CXADR: variants seen among roughly 807,000 people sequenced by gnomAD.
The protein encoded by CXADR is coxsackievirus and adenovirus receptor.
CXADR carries 20 observed loss-of-function variants against 40.3 expected under a neutral mutation model. That is an observed-to-expected ratio of 0.50 (90% confidence interval 0.35 to 0.72). The LOEUF is 0.72. Ranked by LOEUF, CXADR falls within the 30% of genes least tolerant of loss-of-function variation. CXADR has a pLI of 0.01. For synonymous variants in CXADR, 150 were observed against 161.3 expected (o/e 0.93, Z 0.53); for missense variants, 332 against 449.1 (o/e 0.74, Z 2.36).
At chr21:17,608,055 T>C in the CXADR span, among the ~76,000 whole-genome samples, 3 of 152,230 alleles carry the variant, frequency 2.0e-5, no homozygotes, top group Admixed American at 6.5e-5. Context: ...CATGGGGTCA[T>C]GTAGACCTGA....
the CXADR span, among the ~76,000 whole-genome samples, chr21:17,602,911 CCT>C: frequency 1.3e-5 from 2 of 152,238 alleles, no homozygotes; most frequent in East Asian, 1.9e-4. Context: ...AAAACTTTCC[CCT>C]GATGGTTTAG....
At chr21:17,552,650 C>T (rs982109162) in intron 3 of CXADR, among the ~76,000 whole-genome samples, 16 of 152,154 alleles carry the variant, frequency 1.1e-4, no homozygotes, top group African/African-American at 3.6e-4. Context: ...GTAAGCTTTA[C>T]ACAAAATGTA....
chr21:17,632,790 A>C, the CXADR span, among the ~76,000 whole-genome samples: 3 of 152,038 alleles, frequency 2.0e-5, no homozygotes, highest in African/African-American at 7.2e-5. Context: ...AATGACATGA[A>C]CGCGGGAGGC....
chr21:17,554,329 A>C (rs1414631495), intron 3 of CXADR, among the ~76,000 whole-genome samples: 3 of 152,200 alleles, frequency 2.0e-5, no homozygotes, highest in African/African-American at 4.8e-5. Context: ...CACTCATGGC[A>C]GGAGCCGTGA....
At chr21:17,533,645 A>C (rs2060706517) in intron 1 of CXADR, among the ~76,000 whole-genome samples, 1 of 152,114 alleles carries the variant, frequency 6.6e-6, no homozygotes, top group Non-Finnish European at 1.5e-5. Context: ...TAATACGTGT[A>C]GGGCATTTTG....
At chr21:17,579,485 A>G (rs993935230) in intron 7 of CXADR, among the ~76,000 whole-genome samples, 2 of 151,934 alleles carry the variant, frequency 1.3e-5, no homozygotes, top group Non-Finnish European at 2.9e-5. Context: ...GGGGTTTCAC[A>G]GCGTTAGCCA....
intron 1 of CXADR, among the ~76,000 whole-genome samples, chr21:17,517,679 A>G (rs572995671): frequency 6.7e-6 from 1 of 149,888 alleles, no homozygotes; most frequent in Non-Finnish European, 1.5e-5. Flanking sequence ...GGAGAAATAA[A>G]AAGTTGAAGT....
At chr21:17,626,799 T>A in the CXADR span, 1 of 152,214 alleles carries the variant, frequency 6.6e-6, no homozygotes. Flanking sequence ...GTTGAATTAA[T>A]GACAAAAGCT....
chr21:17,557,109 G>GA (rs1569124167), intron 3 of CXADR, among the ~76,000 whole-genome samples: 1 of 152,104 alleles, frequency 6.6e-6, no homozygotes, highest in Non-Finnish European at 1.5e-5. Context: ...ATTCACGACT[G>GA]AAAAAATGAA....
At position 17,567,750 on chromosome 21, in the gene CXADR, T is replaced by A. The variant is rs2061229624; in HGVS notation, c.*2058T>A. 3.7e-5 allele frequency: 31 copies of A among 846,228 alleles called. No individual in the cohort carries two copies. Among genetic ancestry groups the A allele is most frequent in the Non-Finnish European group, 4.1e-5 (29 of 702,714 alleles). 52.4% of individuals were successfully genotyped at this position (846,228 alleles called of 1,614,324 possible). Reference sequence around the variant, plus strand: ...AAAAAATAAGTAAATAAACAGAACATTAATAATAAAGTTTTGGTTCTTCCT... The same window carrying A: ...AAAAAATAAGTAAATAAACAGAACAATAATAATAAAGTTTTGGTTCTTCCT... On this transcript the variant is annotated 3_prime_UTR_variant, in exon 7 of 7. Transcript: ENST00000284878.
At chr21:17,593,397 A>T in exon 8 of CXADR, 1 of 382,366 alleles carries the variant, frequency 2.6e-6, no homozygotes, top group Non-Finnish European at 4.6e-6. Context: ...TTGTTAAAAA[A>T]CCCTATGTAT....
At chr21:17,601,448 C>G in the CXADR span, among the ~76,000 whole-genome samples, 1 of 151,994 alleles carries the variant, frequency 6.6e-6, no homozygotes, top group Non-Finnish European at 1.5e-5. Context: ...TGCTTGAGCC[C>G]AGGAGTTCAC....
the CXADR span, among the ~76,000 whole-genome samples, chr21:17,600,273 A>G: frequency 6.6e-6 from 1 of 152,074 alleles, no homozygotes; most frequent in Admixed American, 6.6e-5. Context: ...CTATCAAACA[A>G]TTTCTAGCAT....
At chr21:17,616,268 A>G in the CXADR span, among the ~76,000 whole-genome samples, 2 of 89,286 alleles carry the variant, frequency 2.2e-5, no homozygotes, top group African/African-American at 1.4e-4. Context: ...GAAAAGAAGG[A>G]AAAAAAAACA....
intron 1 of CXADR, among the ~76,000 whole-genome samples, chr21:17,534,110 T>C (rs1256012881): frequency 1.3e-5 from 1 of 78,316 alleles, no homozygotes; most frequent in Non-Finnish European, 3.0e-5. Flanking sequence ...ATTTTTTTTT[T>C]TTTTTTTTTT....
At chr21:17,632,961 A>G in the CXADR span, among the ~76,000 whole-genome samples, 1 of 152,186 alleles carries the variant, frequency 6.6e-6, no homozygotes, top group Non-Finnish European at 1.5e-5. Context: ...CAGTGTTCCC[A>G]AGGTTTAGGT....
chr21:17,541,892 C>T (rs2060834439), intron 1 of CXADR: 1 of 229,294 alleles, frequency 4.4e-6, no homozygotes, highest in Admixed American at 6.2e-5. Context: ...GATTTCTTCA[C>T]TGTAAAGTTA....
At chr21:17,559,667 G>GTTTTTTT (rs1569127986) in intron 4 of CXADR, among the ~76,000 whole-genome samples, 1 of 16,522 alleles carries the variant, frequency 6.1e-5, no homozygotes, top group Non-Finnish European at 1.4e-4. Context: ...ACTTTTTTTT[G>GTTTTTTT]GGTTTTTTTT....
intron 1 of CXADR, among the ~76,000 whole-genome samples, chr21:17,530,782 G>A (rs572120362): frequency 3.3e-5 from 5 of 152,014 alleles, no homozygotes; most frequent in East Asian, 3.9e-4. Flanking sequence ...CTGTTGCACC[G>A]CAGCCTAGGC....
Sources: gnomAD v4.1 joint callset for allele counts (sites outside exome capture counted in the v4.1 genomes callset) on GRCh38, gnomAD v4.1.1 for gene constraint, MANE v1.5 for transcripts, NCBI Gene and HGNC (gene_info 2026-07-23, HGNC 2026-07-21) for gene names.